ANKS1A: variants seen among roughly 807,000 people sequenced by gnomAD.
The protein encoded by ANKS1A is ankyrin repeat and SAM domain-containing protein 1A.
ANKS1A carries 55 observed loss-of-function variants against 120.3 expected under a neutral mutation model. The observed-to-expected ratio is 0.46, with a 90% CI of 0.37 to 0.57. ANKS1A has a LOEUF of 0.57. Ranked by LOEUF, ANKS1A falls within the 20% of genes least tolerant of loss-of-function variation. ANKS1A has a pLI of 0.00. For synonymous variants in ANKS1A, 590 were observed against 604.7 expected (o/e 0.98, Z 0.36); for missense variants, 1,123 against 1,480.3 (o/e 0.76, Z 3.96).
intron 1 of ANKS1A, among the ~76,000 whole-genome samples, chr6:34,939,520 C>A (rs1033129843): frequency 1.3e-5 from 2 of 152,050 alleles, no homozygotes; most frequent in African/African-American, 4.8e-5. Flanking sequence ...TAATTAGTTG[C>A]CTTCTGCTAT....
At chr6:35,026,505 G>A (rs538137237) in intron 11 of ANKS1A, among the ~76,000 whole-genome samples, 5 of 81,670 alleles carry the variant, frequency 6.1e-5, no homozygotes, top group Admixed American at 1.5e-4. Flanking sequence ...GGTAAAAATC[G>A]TAGTATGTAG....
intron 10 of ANKS1A, among the ~76,000 whole-genome samples, chr6:35,001,859 C>T (rs2127544520): frequency 6.6e-6 from 1 of 152,230 alleles, no homozygotes; most frequent in Middle Eastern, 3.4e-3. Context: ...GGAGTTTTAA[C>T]CCAGACTGTA....
At chr6:35,023,834 T>A (rs1273626186) in intron 11 of ANKS1A, 2 of 221,350 alleles carry the variant, frequency 9.0e-6, no homozygotes, top group Non-Finnish European at 1.9e-5. Context: ...CAGAAATAAA[T>A]CACTATTGAA....
At chr6:35,037,759 A>G (rs1252035451) in intron 11 of ANKS1A, among the ~76,000 whole-genome samples, 1 of 152,094 alleles carries the variant, frequency 6.6e-6, no homozygotes, top group Non-Finnish European at 1.5e-5. Flanking sequence ...GCAGTTGGAA[A>G]CTGGCAGATG....
At chr6:34,999,214 C>T (rs954496038) in intron 10 of ANKS1A, among the ~76,000 whole-genome samples, 1 of 152,162 alleles carries the variant, frequency 6.6e-6, no homozygotes, top group African/African-American at 2.4e-5. Context: ...GTTTGAATTC[C>T]TTGACAGGGT....
intron 1 of ANKS1A, among the ~76,000 whole-genome samples, chr6:34,961,875 G>C (rs1324635677): frequency 1.3e-5 from 2 of 152,202 alleles, no homozygotes; most frequent in African/African-American, 4.8e-5. Context: ...ACTTCATGTT[G>C]TTGTTCCAGT....
chr6:34,980,526 T>G (rs1771852413), intron 3 of ANKS1A, among the ~76,000 whole-genome samples: 1 of 152,252 alleles, frequency 6.6e-6, no homozygotes, highest in Non-Finnish European at 1.5e-5. Context: ...TTTAGTGTTA[T>G]TAATAGAATT....
At chr6:35,041,357 G>A (rs1305443510) in intron 11 of ANKS1A, among the ~76,000 whole-genome samples, 1 of 152,208 alleles carries the variant, frequency 6.6e-6, no homozygotes, top group Non-Finnish European at 1.5e-5. Flanking sequence ...GGCTGAGATT[G>A]GAGATGGCCT....
chr6:35,052,379 A>G (rs1294415241), intron 11 of ANKS1A, among the ~76,000 whole-genome samples: 2 of 151,984 alleles, frequency 1.3e-5, no homozygotes, highest in African/African-American at 2.4e-5. Flanking sequence ...TGGGCTCAGG[A>G]GGTCAAGGTT....
At chr6:34,894,072 A>G (rs1766957697) in intron 1 of ANKS1A, among the ~76,000 whole-genome samples, 1 of 152,208 alleles carries the variant, frequency 6.6e-6, no homozygotes, top group South Asian at 2.1e-4. Context: ...TACTTTATAT[A>G]ATACTAACTC....
At chr6:34,991,243 C>A (rs1361834459) in intron 9 of ANKS1A, among the ~76,000 whole-genome samples, 4 of 152,066 alleles carry the variant, frequency 2.6e-5, no homozygotes, top group African/African-American at 4.8e-5. Context: ...AGATTAATGA[C>A]CTGATCATGA....
intron 3 of ANKS1A, among the ~76,000 whole-genome samples, chr6:34,974,896 A>G (rs545787738): frequency 1.3e-5 from 2 of 152,334 alleles, no homozygotes; most frequent in African/African-American, 4.8e-5. Flanking sequence ...CGCTTAATGA[A>G]ACATTATTCA....
In ANKS1A at chr6:35,003,061, A is replaced by G. The variant is rs191007185; in HGVS notation, c.1423+8639A>G. ...GTAGTTGTGTTATTGGCACTATTAA[A>G]ACCATCTTTCTTCCTACTGCCCATA... is the stretch of plus-strand genomic sequence containing the variant. On this transcript the variant is annotated intron_variant, in intron 10 of 23. Coordinates refer to ENST00000360359, the MANE Select transcript of ANKS1A (RefSeq NM_015245.3). 9.5e-4 allele frequency among the ~76,000 whole-genome samples: 143 copies of G among 151,288 alleles called. 1 individual carries two copies. The highest frequency in any genetic ancestry group is 9.4e-3 in the Admixed American group (142 of 15,110).
intron 10 of ANKS1A, among the ~76,000 whole-genome samples, chr6:35,006,726 G>C (rs1246087231): frequency 1.3e-5 from 2 of 152,214 alleles, no homozygotes; most frequent in Non-Finnish European, 2.9e-5. Context: ...CTGCACTCCA[G>C]CCTGGGTGAC....
At chr6:34,987,798 C>T (rs1393800503) in intron 8 of ANKS1A, among the ~76,000 whole-genome samples, 3 of 152,240 alleles carry the variant, frequency 2.0e-5, no homozygotes, top group Admixed American at 6.5e-5. Flanking sequence ...TGAGCTCTCG[C>T]GTAACTCAGC....
At chr6:35,093,031 T>C (rs1778354418), downstream of ANKS1A, among the ~76,000 whole-genome samples, 1 of 151,442 alleles carries the variant, frequency 6.6e-6, no homozygotes, top group Non-Finnish European at 1.5e-5. Context: ...GTCCCATAAA[T>C]AGGGACAGGC....
chr6:34,979,352 A>T (rs115402858), intron 3 of ANKS1A, among the ~76,000 whole-genome samples: 6,686 of 152,290 alleles, frequency 0.044, 255 homozygotes, highest in African/African-American at 0.11. Flanking sequence ...GTCACCACAG[A>T]TATAATAAAC....
Position 35,066,416 on chromosome 6 carries a change from T to A in ANKS1A, c.2184+6163T>A, listed in dbSNP as rs79382188. On this transcript the variant is annotated intron_variant, in intron 13 of 23. Coordinates refer to ENST00000360359, the MANE Select transcript of ANKS1A (RefSeq NM_015245.3). The stretch of plus-strand genomic sequence containing the variant: ...TCTACACGGCTGATTTGGGGGTGAC[T>A]GTGGCACCTTGACCTCAGCCAAGAC... Among the ~76,000 whole-genome samples the A allele has an allele frequency of 3.1e-4, 47 of 152,254 alleles. No individual in the cohort carries two copies. In the East Asian group the frequency reaches 8.5e-3, roughly 28 times the overall value.
At chr6:34,946,520 G>A (rs1330154304) in intron 1 of ANKS1A, among the ~76,000 whole-genome samples, 5 of 151,728 alleles carry the variant, frequency 3.3e-5, no homozygotes, top group African/African-American at 1.2e-4. Flanking sequence ...CCCAGGAGGC[G>A]GAGATTGCAG....
Sources: allele counts gnomAD v4.1 joint callset (sites outside exome capture counted in the v4.1 genomes callset), GRCh38; gene constraint gnomAD v4.1.1; transcripts MANE v1.5; gene names NCBI Gene and HGNC (gene_info 2026-07-23, HGNC 2026-07-21).